Variants in KNDC1 observed in about 807,000 individuals in gnomAD.
KNDC1 encodes the protein kinase non-catalytic C-lobe domain-containing protein 1.
In KNDC1, 106 loss-of-function variants were observed where a neutral mutation model predicts 172.8. That is an observed-to-expected ratio of 0.61 (90% confidence interval 0.52 to 0.72). The LOEUF (loss-of-function observed/expected upper bound fraction) is 0.72, where lower values mean the gene tolerates loss of function less well. Ranked by LOEUF, KNDC1 falls within the 30% of genes least tolerant of loss-of-function variation. KNDC1 has a pLI of 0.00. For synonymous variants in KNDC1, 1,083 were observed against 1,062.2 expected, an observed-to-expected ratio of 1.02 and a Z score of -0.38; for missense variants, 2,325 against 2,394.5, an observed-to-expected ratio of 0.97 and a Z score of 0.61.
rs375090785 is a variant in KNDC1, at chr10:133,220,085, A to G, written c.4991A>G (p.Asn1664Ser). 3.2e-6 allele frequency: 5 copies of G among 1,565,204 alleles called. No homozygotes were observed. Among genetic ancestry groups the G allele is most frequent in the Admixed American group, 3.8e-5 (2 of 53,016 alleles). ...GAGACAGGCGGCTTCACCATGACCA[A>G]CGGGGCCCACAGGTGGAGCAAGCTC... ...QLETGGFTMT[N>S]GAHRWSKLRN... The change falls in exon 29 of 30, where the codon AAC becomes AGC. Residue 1664 changes from asparagine to serine, a missense_variant. Coordinates refer to ENST00000304613, the MANE Select transcript of KNDC1 (RefSeq NM_152643.8).
chr10:133,214,261 C>T (rs977399674), intron 26 of KNDC1, 139 bp downstream of exon 26: 12 of 919,310 alleles, frequency 1.3e-5, no homozygotes, highest in African/African-American at 6.7e-5. Context: ...GAACCACACC[C>T]GACCCAAGGC....
chr10:133,211,723 G>A lies in KNDC1; in HGVS notation c.4101G>A (p.Leu1367=). 6.2e-7 allele frequency: 1 copy of A among 1,608,602 alleles called. No individual in the cohort carries two copies. Among genetic ancestry groups the A allele is most frequent in the Non-Finnish European group, 8.5e-7 (1 of 1,177,736 alleles). Reference sequence around the variant, plus strand: ...CTGCCAAGCACCTGCTGGGCCTCCTGGAGGTGGGCATGGACCGGCGGGCCG... The same window carrying A: ...CTGCCAAGCACCTGCTGGGCCTCCTAGAGGTGGGCATGGACCGGCGGGCCG... ...DGSAKHLLGL[L]EVGMDRRAEG... Residue 1367 remains leucine (L), a synonymous_variant, in exon 23 of 30, where the codon CTG becomes CTA. Transcript: ENST00000304613.
chr10:133,222,369 G>GT (rs1220911931), intron 29 of KNDC1, among the ~76,000 whole-genome samples: 1 of 149,444 alleles, frequency 6.7e-6, no homozygotes, highest in African/African-American at 2.5e-5. Flanking sequence ...GTCCACGTGC[G>GT]TATGTGAGCG....
chr10:133,205,508 C>T (rs1845160315), intron 17 of KNDC1, among the ~76,000 whole-genome samples: 2 of 152,236 alleles, frequency 1.3e-5, no homozygotes. Context: ...CTCACATTTA[C>T]ACTCAACGCT....
At chr10:133,170,059 C>A (rs1853325147) in intron 3 of KNDC1, among the ~76,000 whole-genome samples, 1 of 152,210 alleles carries the variant, frequency 6.6e-6, no homozygotes, top group African/African-American at 2.4e-5. Flanking sequence ...TGTTAAACTT[C>A]ATCTGCAGAG....
rs1854391242 is a variant in KNDC1 at position 133,202,086 on chromosome 10, C to G, written c.3387+188C>G. On this transcript the variant is annotated intron_variant, in intron 17 of 29. Transcript: ENST00000304613. ...CCCCTCCCTGGGCTGAGCTCCACGT[C>G]TAGGGACAGGCTCGTCTGCACTGGT... 5.4e-6 allele frequency: 4 copies of G among 738,360 alleles called. No homozygotes were observed. In the South Asian group the frequency reaches 5.9e-5, roughly 11 times the overall value. The allele number at this position is 738,360 out of a possible 1,614,324, so 45.7% of individuals were successfully genotyped here. A position where few individuals can be genotyped will look rare whatever the true frequency, so the allele number is the denominator to read the frequency against.
Position 133,177,212 on chromosome 10 carries a change from G to A in KNDC1, c.361-6132G>A, listed in dbSNP as rs553793654. 1.1e-3 allele frequency among the ~76,000 whole-genome samples: 163 copies of A among 151,950 alleles called. 1 individual carries two copies. The Middle Eastern group carries it at 0.02, about 19-fold the overall frequency. ...TGTGCACGTGTATGTAGTATAGTGT[G>A]TGTGTGCATGGTGTGTGCATATGCA... On this transcript the variant is annotated intron_variant, in intron 3 of 29. Transcript: ENST00000304613.
intron 16 of KNDC1, among the ~76,000 whole-genome samples, chr10:133,201,017 C>T (rs1412346614): frequency 6.6e-6 from 1 of 152,216 alleles, no homozygotes; most frequent in Non-Finnish European, 1.5e-5. Flanking sequence ...GGGCCCAGTT[C>T]CTATCAAGTC....
intron 3 of KNDC1, among the ~76,000 whole-genome samples, chr10:133,175,584 T>TGG (rs59290527): frequency 0.39 from 57,378 of 147,182 alleles, 12,640 homozygotes; most frequent in South Asian, 0.64. Context: ...AATGGATGGG[T>TGG]AGATGGATGG....
chr10:133,206,865 T>C lies in KNDC1; in HGVS notation c.3491T>C (p.Val1164Ala). Residue 1164 changes from valine (V) to alanine (A), a missense_variant, in exon 19 of 30, where the codon GTC becomes GCC. Physicochemically the swap from Val to Ala is moderately conservative, Grantham distance 64 (BLOSUM62 0). Transcript: ENST00000304613. The stretch of plus-strand genomic sequence containing the variant: ...TCTGCTCCACCCACAGGTTCCGACG[T>C]CAAGACCATGCTGTCCAAGCTGAAA... Reference protein sequence around the residue: ...QKEKRNKGSDVKTMLSKLKGQ... With the variant: ...QKEKRNKGSDAKTMLSKLKGQ... The C allele has an allele frequency of 6.2e-7, 1 of 1,614,074 alleles. No individual in the cohort carries two copies.
chr10:133,185,938 G>GGAGGGGTGGGAGGA, intron 5 of KNDC1, 36 bp from the exon 6 acceptor site: 1 of 1,472,876 alleles, frequency 6.8e-7, no homozygotes, highest in Non-Finnish European at 9.1e-7. Flanking sequence ...GGGCGGGAGG[G>GGAGGGGTGGGAGGA]GCACCCAGCC....
intron 9 of KNDC1, among the ~76,000 whole-genome samples, chr10:133,191,605 C>T (rs995241070): frequency 3.9e-5 from 6 of 152,038 alleles, no homozygotes; most frequent in South Asian, 2.1e-4. Flanking sequence ...GAGGCTGAAG[C>T]AGGAGAATTG....
intron 2 of KNDC1, 129 bp from the exon 3 acceptor site, chr10:133,168,125 G>C: frequency 1.3e-6 from 1 of 793,282 alleles, no homozygotes; most frequent in Non-Finnish European, 2.3e-6. Context: ...GGCCTAAAAT[G>C]GTCTGGGGAC....
chr10:133,195,900 G>A, intron 10 of KNDC1, 79 bp downstream of exon 10: 6 of 1,359,796 alleles, frequency 4.4e-6, no homozygotes, highest in Non-Finnish European at 5.8e-6. Context: ...GCTGGGGGTG[G>A]AGGAGCACGG....
In KNDC1 at chr10:133,224,971, GCCCGGCCGTTATCAAGGC is replaced by G; in HGVS notation, c.*85_*102del. 8.5e-7 allele frequency: 1 copy of G among 1,173,482 alleles called. No homozygotes were observed. The highest frequency in any genetic ancestry group is 1.2e-6 in the Non-Finnish European group (1 of 806,556). 72.7% of individuals were successfully genotyped at this position (1,173,482 alleles called of 1,614,324 possible). A position where few individuals can be genotyped will look rare whatever the true frequency, so the allele number is the denominator to read the frequency against. On this transcript the variant is annotated 3_prime_UTR_variant, in exon 30 of 30. Coordinates refer to ENST00000304613, the MANE Select transcript of KNDC1 (RefSeq NM_152643.8). The surrounding 1 kb of genome is among the most constrained non-coding windows in gnomAD (Gnocchi z 5.4). ...CTGGGAGGTGGGAGCCGCGTCTCAG[GCCCGGCCGTTATCAAGGC>G]CCCTCCGCCCCCGAACCCTGGGGAG...
chr10:133,218,737 T>G (rs1845519741), intron 26 of KNDC1, 94 bp from the exon 27 acceptor site: 1 of 1,468,716 alleles, frequency 6.8e-7, no homozygotes, highest in Non-Finnish European at 9.3e-7. Context: ...CACGCTCTTG[T>G]GTCTTGGAGC....
chr10:133,201,934 G>C (rs1259076162), intron 17 of KNDC1, 36 bp downstream of exon 17: 11 of 1,523,072 alleles, frequency 7.2e-6, no homozygotes. Flanking sequence ...GGGTGGGGCA[G>C]GGCGTCTCCT....
chr10:133,209,766 G>A lies in KNDC1; in HGVS notation c.3795-845G>A, dbSNP rs562324360. Among the ~76,000 whole-genome samples the A allele has an allele frequency of 1.9e-4, 29 of 152,138 alleles. No homozygotes were observed. The South Asian group carries it at 5.8e-3, about 30-fold the overall frequency. On this transcript the variant is annotated intron_variant, in intron 20 of 29. Transcript: ENST00000304613. This position sits in a 1 kb window ranked among gnomAD's most constrained non-coding sequence, Gnocchi z 4.9. The stretch of plus-strand genomic sequence containing the variant: ...TGGGGCTGTGGCCACCTGTGTCCTC[G>A]GACCCCAGGTGAGTGGGTGACCAGG...
Position 133,168,247 on chromosome 10 carries a change from C to T in KNDC1, c.302-7C>T. 1 of 1,613,886 alleles carries T rather than the reference C, an allele frequency of 6.2e-7. No homozygotes were observed. The highest frequency in any genetic ancestry group is 8.5e-7 in the Non-Finnish European group (1 of 1,179,788). On this transcript the variant is annotated splice_polypyrimidine_tract_variant and splice_region_variant and intron_variant, in intron 2 of 29. Transcript: ENST00000304613. ...AGCCTTCTCTCCTTCTCTCTCTCCT[C>T]CCCAAGACGACCCTGAGGGTGCCTT...
Sources: gnomAD v4.1 joint callset for allele counts (sites outside exome capture counted in the v4.1 genomes callset) on GRCh38, gnomAD v4.1.1 for gene constraint, Gnocchi (gnomAD v3.1) non-coding constraint, MANE v1.5 for transcripts, NCBI Gene and HGNC (gene_info 2026-07-23, HGNC 2026-07-21) for gene names.